The following CACNA2D3 variants were observed in gnomAD, a reference collection of about 807,000 sequenced individuals.
The protein encoded by CACNA2D3 is calcium voltage-gated channel auxiliary subunit alpha2delta 3.
CACNA2D3 carries 60 observed loss-of-function variants against 160.6 expected under a neutral mutation model. That is an observed-to-expected ratio of 0.37 (90% CI 0.30 to 0.46). The LOEUF (loss-of-function observed/expected upper bound fraction) is 0.46, where lower values mean the gene tolerates loss of function less well. CACNA2D3 is among the 20% of genes least tolerant of loss of function. The pLI is 1.00. For missense variants in CACNA2D3, 1,205 were observed against 1,365.0 expected (o/e 0.88, Z 1.85); for synonymous variants, 558 against 492.9 (o/e 1.13, Z -1.75).
intron 31 of CACNA2D3, among the ~76,000 whole-genome samples, chr3:55,000,372 T>C (rs376518181): frequency 2.6e-5 from 4 of 152,150 alleles, no homozygotes; most frequent in Middle Eastern, 3.4e-3. Flanking sequence ...TCAATGGCAA[T>C]AGTATCAGGA....
intron 13 of CACNA2D3, among the ~76,000 whole-genome samples, chr3:54,777,451 A>G (rs1702445560): frequency 6.6e-6 from 1 of 152,194 alleles, no homozygotes; most frequent in South Asian, 2.1e-4. Flanking sequence ...CTTAGGAGAA[A>G]TTTCTCTCTT....
At chr3:54,879,458 G>T (rs994518747) in intron 20 of CACNA2D3, 47 bp downstream of exon 20, 4 of 1,378,346 alleles carry the variant, frequency 2.9e-6, no homozygotes, top group Non-Finnish European at 4.1e-6. Flanking sequence ...CCCATCAGTT[G>T]TGTTTGTACA....
chr3:54,512,940 G>A (rs1258778048), intron 5 of CACNA2D3, among the ~76,000 whole-genome samples: 3 of 152,118 alleles, frequency 2.0e-5, no homozygotes, highest in Non-Finnish European at 4.4e-5. Flanking sequence ...TTACATGGAC[G>A]GCAGCAGGCA....
At chr3:54,582,373 G>A (rs1702692674) in intron 9 of CACNA2D3, among the ~76,000 whole-genome samples, 1 of 152,146 alleles carries the variant, frequency 6.6e-6, no homozygotes, top group African/African-American at 2.4e-5. Context: ...TTAATATTGT[G>A]GAACAAAAGG....
intron 11 of CACNA2D3, among the ~76,000 whole-genome samples, chr3:54,730,234 G>A (rs1346411065): frequency 6.6e-6 from 1 of 152,080 alleles, no homozygotes; most frequent in Non-Finnish European, 1.5e-5. Context: ...GACACAAAAT[G>A]TCCACTGGGG....
intron 2 of CACNA2D3, among the ~76,000 whole-genome samples, chr3:54,282,163 A>AG (rs1702896326): frequency 1.3e-5 from 2 of 152,232 alleles, no homozygotes; most frequent in Non-Finnish European, 2.9e-5. Flanking sequence ...TTGAACGCTG[A>AG]GAAAAAAAAT....
chr3:54,866,742 C>T (rs1699409309), intron 17 of CACNA2D3, among the ~76,000 whole-genome samples: 1 of 152,144 alleles, frequency 6.6e-6, no homozygotes, highest in Non-Finnish European at 1.5e-5. Context: ...CTCTAGGTAA[C>T]GCAAAGGGGT....
chr3:54,873,385 A>G (rs1431983485), intron 18 of CACNA2D3, among the ~76,000 whole-genome samples: 1 of 145,464 alleles, frequency 6.9e-6, no homozygotes, highest in Non-Finnish European at 1.5e-5. Flanking sequence ...TTATCTGTTG[A>G]TTTATTTTTT....
At chr3:54,497,594 GTTTA>G (rs1701221603) in intron 4 of CACNA2D3, among the ~76,000 whole-genome samples, 1 of 151,846 alleles carries the variant, frequency 6.6e-6, no homozygotes, top group Non-Finnish European at 1.5e-5. Flanking sequence ...TATGGCTTTT[GTTTA>G]TTTATTTGTC....
At chr3:54,556,588 T>C (rs1237300116) in intron 5 of CACNA2D3, among the ~76,000 whole-genome samples, 1 of 152,136 alleles carries the variant, frequency 6.6e-6, no homozygotes, top group Non-Finnish European at 1.5e-5. Context: ...GAAAGCTAAT[T>C]CAGTACCTTA....
intron 27 of CACNA2D3, among the ~76,000 whole-genome samples, chr3:54,929,671 C>T (rs6774406): frequency 0.43 from 65,702 of 152,016 alleles, 15,136 homozygotes; most frequent in East Asian, 0.75. Flanking sequence ...GGGCAAAAGT[C>T]AGGTGTAGGT....
chr3:54,939,158 A>G (rs1008505798), intron 27 of CACNA2D3, among the ~76,000 whole-genome samples: 1 of 152,210 alleles, frequency 6.6e-6, no homozygotes, highest in African/African-American at 2.4e-5. Flanking sequence ...GCTGAATCCA[A>G]CATCTGAAAC....
At chr3:54,431,788 G>T (rs1477491174) in intron 4 of CACNA2D3, among the ~76,000 whole-genome samples, 2 of 151,998 alleles carry the variant, frequency 1.3e-5, no homozygotes, top group Admixed American at 1.3e-4. Flanking sequence ...TGTATTTTTA[G>T]TAGAGACGGG....
At chr3:54,493,060 CTTTTTTTTTTTTT>C (rs34225864) in intron 4 of CACNA2D3, among the ~76,000 whole-genome samples, 96 of 58,794 alleles carry the variant, frequency 1.6e-3, no homozygotes, top group African/African-American at 6.7e-3. Context: ...TTGCTCAAAA[CTTTTTTTTTTTTT>C]TTTTTTTTTT....
chr3:54,464,113 T>A (rs1309283025), intron 4 of CACNA2D3, among the ~76,000 whole-genome samples: 1 of 152,136 alleles, frequency 6.6e-6, no homozygotes, highest in Non-Finnish European at 1.5e-5. Context: ...AATGCTGCTG[T>A]CTGATCGTTC....
Position 54,948,343 on chromosome 3 carries a change from T to C in CACNA2D3, c.2450-20107T>C, listed in dbSNP as rs183442846. Among the ~76,000 whole-genome samples the C allele has an allele frequency of 2.9e-3, 438 of 152,274 alleles. 4 individuals are homozygous for C. Among genetic ancestry groups the C allele is most frequent in the Non-Finnish European group, 4.7e-3 (323 of 68,016 alleles). On this transcript the variant is annotated intron_variant, in intron 27 of 37. Transcript: ENST00000474759. The stretch of plus-strand genomic sequence containing the variant: ...CTGACCTCAGTAAAAACTGGAAGAT[T>C]CTTGATAATTGTCATTAGAAAAAAA...
intron 4 of CACNA2D3, among the ~76,000 whole-genome samples, chr3:54,472,961 A>T (rs1700762184): frequency 6.6e-6 from 1 of 152,198 alleles, no homozygotes; most frequent in African/African-American, 2.4e-5. Context: ...TAATGCCCAA[A>T]GTAATTTATA....
At chr3:54,451,362 G>T (rs1226253079) in intron 4 of CACNA2D3, among the ~76,000 whole-genome samples, 1 of 139,956 alleles carries the variant, frequency 7.1e-6, no homozygotes, top group Non-Finnish European at 1.5e-5. Flanking sequence ...AGATTTTCCT[G>T]CCTCAGCCTC....
intron 2 of CACNA2D3, among the ~76,000 whole-genome samples, chr3:54,243,777 C>T (rs777403938): frequency 6.6e-6 from 1 of 152,168 alleles, no homozygotes; most frequent in Non-Finnish European, 1.5e-5. Context: ...CCAGCTCTGC[C>T]GATTGCTAGC....
Sources: gnomAD v4.1 joint callset for allele counts (sites outside exome capture counted in the v4.1 genomes callset) on GRCh38, gnomAD v4.1.1 for gene constraint, MANE v1.5 for transcripts, NCBI Gene and HGNC (gene_info 2026-07-23, HGNC 2026-07-21) for gene names.